The following ZFC3H1 variants were observed in gnomAD, a reference collection of about 807,000 sequenced individuals.
ZFC3H1 encodes the protein zinc finger C3H1 domain-containing protein.
ZFC3H1 carries 71 observed loss-of-function variants against 243.7 expected under a neutral mutation model. That is an observed-to-expected ratio of 0.29 (90% confidence interval 0.24 to 0.36). The LOEUF is 0.36. Ranked by LOEUF, ZFC3H1 falls within the 10% of genes least tolerant of loss-of-function variation. The pLI is 1.00. For synonymous variants in ZFC3H1, 838 were observed against 813.0 expected, an observed-to-expected ratio of 1.03 and a Z score of -0.52; for missense variants, 1,966 against 2,317.1, an observed-to-expected ratio of 0.85 and a Z score of 3.11.
chr12:71,624,835 T>C (rs1880121917), intron 22 of ZFC3H1, among the ~76,000 whole-genome samples: 1 of 152,100 alleles, frequency 6.6e-6, no homozygotes, highest in Admixed American at 6.6e-5. Context: ...GGCACGGTGG[T>C]GCATGCCTGT....
intron 14 of ZFC3H1, 39 bp from the exon 15 acceptor site, chr12:71,632,553 T>C (rs1880350733): frequency 1.9e-5 from 28 of 1,512,878 alleles, no homozygotes; most frequent in Non-Finnish European, 2.4e-5. Context: ...TACATCACTG[T>C]GATTTTATAA....
At chr12:71,638,564 A>G in intron 6 of ZFC3H1, 49 bp from the exon 7 acceptor site, 1 of 1,393,566 alleles carries the variant, frequency 7.2e-7, no homozygotes, top group Non-Finnish European at 9.9e-7. Flanking sequence ...ATACTTCATC[A>G]GGAATATATT....
intron 3 of ZFC3H1, 125 bp from the exon 4 acceptor site, chr12:71,645,200 G>A: frequency 1.2e-6 from 1 of 821,366 alleles, no homozygotes; most frequent in South Asian, 1.9e-5. Flanking sequence ...GGCAAATACA[G>A]ATAAAATAAG....
At position 71,663,786 on chromosome 12, in the gene ZFC3H1, C is replaced by G. The variant is rs557766988; in HGVS notation, c.-176G>C. The G allele has an allele frequency of 1.1e-4, 78 of 715,406 alleles. No homozygotes were observed. The Admixed American group carries it at 2.2e-3, about 20-fold the overall frequency. The allele number at this position is 715,406 out of a possible 1,614,324, so 44.3% of individuals were successfully genotyped here. ...ACCCCAGCACCCCAGCTCTCTCTCG[C>G]CGGACCGTCGCAACCCAGTTCCCTT... On this transcript the variant is annotated 5_prime_UTR_variant, in exon 1 of 35. Transcript: ENST00000378743.
intron 6 of ZFC3H1, 28 bp from the exon 7 acceptor site, chr12:71,638,543 T>G (rs762060189): frequency 6.5e-7 from 1 of 1,531,706 alleles, no homozygotes; most frequent in Non-Finnish European, 8.9e-7. Context: ...GTTAAGAGTT[T>G]AATAACAGAA....
At chr12:71,621,222 AC>A (rs141150085) in intron 24 of ZFC3H1, among the ~76,000 whole-genome samples, 3,876 of 152,180 alleles carry the variant, frequency 0.025, 182 homozygotes, top group African/African-American at 0.089. Flanking sequence ...ACTGTAAAGC[AC>A]CCTGTAACAC....
chr12:71,620,434 A>T, intron 24 of ZFC3H1, 119 bp from the exon 25 acceptor site: 1 of 955,648 alleles, frequency 1.0e-6, no homozygotes, highest in Non-Finnish European at 1.6e-6. Context: ...TTGATTACCC[A>T]TCCATCATCT....
chr12:71,645,189 A>C, intron 3 of ZFC3H1, 114 bp from the exon 4 acceptor site: 1 of 894,878 alleles, frequency 1.1e-6, no homozygotes, highest in East Asian at 2.7e-5. Flanking sequence ...AAATATGACA[A>C]GGCAAATACA....
chr12:71,651,031 C>T (rs1327925228), intron 2 of ZFC3H1, among the ~76,000 whole-genome samples: 4 of 152,114 alleles, frequency 2.6e-5, no homozygotes, highest in Non-Finnish European at 4.4e-5. Context: ...TCTAGTTCAG[C>T]GATGCCCAAA....
At chr12:71,645,223 C>CTTA in intron 3 of ZFC3H1, 148 bp from the exon 4 acceptor site, 1 of 705,970 alleles carries the variant, frequency 1.4e-6, no homozygotes, top group Non-Finnish European at 2.3e-6. Flanking sequence ...AACTAATTTA[C>CTTA]TTCCCACAGC....
At chr12:71,644,731 T>C (rs1464117055) in intron 4 of ZFC3H1, 146 bp downstream of exon 4, 1 of 903,668 alleles carries the variant, frequency 1.1e-6, no homozygotes, top group East Asian at 2.8e-5. Flanking sequence ...GGCAGGAGAA[T>C]CGCCTGAACC....
chr12:71,645,397 G>A (rs563577439), intron 3 of ZFC3H1, among the ~76,000 whole-genome samples: 3 of 152,126 alleles, frequency 2.0e-5, no homozygotes, highest in East Asian at 1.9e-4. Context: ...TTCCCAAACC[G>A]GAAAGAGTAA....
intron 33 of ZFC3H1, 133 bp from the exon 34 acceptor site, chr12:71,610,890 C>T (rs566874486): frequency 2.4e-4 from 335 of 1,413,514 alleles, no homozygotes; most frequent in Non-Finnish European, 3.1e-4. Flanking sequence ...TTGGAGTTTC[C>T]GAATATTTGG....
At chr12:71,625,017 G>A (rs1201950157) in intron 22 of ZFC3H1, among the ~76,000 whole-genome samples, 4 of 152,092 alleles carry the variant, frequency 2.6e-5, no homozygotes, top group African/African-American at 9.7e-5. Flanking sequence ...ACACATTAAA[G>A]ACCAAGCAAT....
rs201337573 is a variant in ZFC3H1, at chr12:71,663,649, T to G, written c.-39A>C. On this transcript the variant is annotated 5_prime_UTR_variant, in exon 1 of 35. Transcript: ENST00000378743. ...CCTTCCACACAACCTTAGCCCTCCG[T>G]CCGGGGATCCGCCCGACAATTGCCT... The G allele has an allele frequency of 1.3e-6, 2 of 1,575,844 alleles. No individual in the cohort carries two copies. The highest frequency in any genetic ancestry group is 1.1e-5 in the South Asian group (1 of 88,010).
chr12:71,657,102 G>A lies in ZFC3H1; in HGVS notation c.798C>T (p.Phe266=), dbSNP rs751474318. 7.4e-6 allele frequency: 12 copies of A among 1,613,756 alleles called. No individual in the cohort carries two copies. The highest frequency in any genetic ancestry group is 4.5e-5 in the East Asian group (2 of 44,824). ...NVQEDPKTLN[F]EDQTSTDNVS... ...CATTATCAGTGCTAGTTTGGTCCTC[G>A]AAGTTCAATGTTTTAGGATCTTCCT... The change falls in exon 2 of 35, where the codon TTC becomes TTT. Residue 266 remains phenylalanine (F), a synonymous_variant. Coordinates refer to ENST00000378743, the MANE Select transcript of ZFC3H1 (RefSeq NM_144982.5).
intron 24 of ZFC3H1, among the ~76,000 whole-genome samples, chr12:71,622,168 T>G (rs1011601257): frequency 6.6e-6 from 1 of 152,162 alleles, no homozygotes; most frequent in Non-Finnish European, 1.5e-5. Flanking sequence ...TTAACTCCCC[T>G]AACAGTAATG....
At chr12:71,626,080 T>A (rs751664127) in intron 22 of ZFC3H1, among the ~76,000 whole-genome samples, 180 bp downstream of exon 22, 7 of 152,166 alleles carry the variant, frequency 4.6e-5, no homozygotes, top group African/African-American at 7.2e-5. Context: ...TCTTGCTTAG[T>A]CTAAATTCTG....
intron 24 of ZFC3H1, among the ~76,000 whole-genome samples, chr12:71,622,248 A>C (rs926439637): frequency 2.0e-5 from 3 of 152,126 alleles, no homozygotes; most frequent in African/African-American, 7.2e-5. Context: ...ACATCCTTAC[A>C]GGCCCTTAGG....
Sources: allele counts gnomAD v4.1 joint callset (sites outside exome capture counted in the v4.1 genomes callset), GRCh38; gene constraint gnomAD v4.1.1; transcripts MANE v1.5; gene names NCBI Gene and HGNC (gene_info 2026-07-23, HGNC 2026-07-21).